The following MCTP2 variants were observed in gnomAD, a reference collection of about 807,000 sequenced individuals.
The protein encoded by MCTP2 is multiple C2 and transmembrane domain-containing protein 2.
In MCTP2, 132 loss-of-function variants were observed where a neutral mutation model predicts 111.6. That is an observed-to-expected ratio of 1.18 (90% confidence interval 1.03 to 1.37). The LOEUF (loss-of-function observed/expected upper bound fraction) is 1.37. Ranked by LOEUF, MCTP2 falls within the 40% of genes most tolerant of loss-of-function variation. The pLI, the probability that MCTP2 is intolerant of heterozygous loss-of-function variation, is 0.00. For synonymous variants in MCTP2, 395 were observed against 387.7 expected (o/e 1.02, Z -0.22); for missense variants, 1,183 against 1,067.9 (o/e 1.11, Z -1.50).
intron 14 of MCTP2, among the ~76,000 whole-genome samples, chr15:94,391,163 A>T (rs1242145385): frequency 1.3e-5 from 2 of 152,070 alleles, no homozygotes; most frequent in African/African-American, 4.8e-5. Flanking sequence ...GAATCCATGT[A>T]CACCCGATAG....
chr15:94,383,100 TTTTG>T (rs1396210834), intron 12 of MCTP2, among the ~76,000 whole-genome samples: 2 of 152,208 alleles, frequency 1.3e-5, no homozygotes, highest in Non-Finnish European at 2.9e-5. Context: ...GTTATACTTT[TTTTG>T]TTTGTTTTAT....
At chr15:94,410,773 G>A (rs1394640469) in intron 17 of MCTP2, among the ~76,000 whole-genome samples, 1 of 152,124 alleles carries the variant, frequency 6.6e-6, no homozygotes, top group African/African-American at 2.4e-5. Context: ...TTCTTGGAAG[G>A]GTGCTAGAAC....
chr15:94,308,361 C>T (rs2075978929), intron 2 of MCTP2, among the ~76,000 whole-genome samples: 1 of 152,310 alleles, frequency 6.6e-6, no homozygotes, highest in African/African-American at 2.4e-5. Flanking sequence ...TTTTGGGATT[C>T]TCCTGGCGCA....
chr15:94,325,142 G>C (rs1319596537), intron 4 of MCTP2, among the ~76,000 whole-genome samples: 3 of 152,132 alleles, frequency 2.0e-5, no homozygotes, highest in Non-Finnish European at 4.4e-5. Flanking sequence ...TGAGGGTTAT[G>C]CGTGGGCTTT....
In MCTP2 at chr15:94,384,348, C is replaced by A. The variant is rs957910883; in HGVS notation, c.1685+224C>A. Among the ~76,000 whole-genome samples the A allele has an allele frequency of 2.0e-5, 3 of 152,048 alleles. No individual in the cohort carries two copies. In the East Asian group the frequency reaches 5.8e-4, roughly 29 times the overall value. ...TATAGGAGGCATTTGTAAAGTAGAT[C>A]TTTTAGTGACTAAATTAATCTATGA... On this transcript the variant is annotated intron_variant, in intron 13 of 22. Transcript: ENST00000357742.
chr15:94,446,004 T>G (rs944372246), intron 19 of MCTP2, among the ~76,000 whole-genome samples: 2 of 152,222 alleles, frequency 1.3e-5, no homozygotes, highest in African/African-American at 4.8e-5. Context: ...CTGTCTCTGA[T>G]GCACAGACCA....
chr15:94,476,644 A>ATAGATAGG lies in MCTP2; in HGVS notation c.2471-45_2471-44insGTAGATAG. On this transcript the variant is annotated intron_variant, in intron 21 of 22. Coordinates refer to ENST00000357742, the MANE Select transcript of MCTP2 (RefSeq NM_001385001.1). ...GATAGATAGATAGATAGATAGATAG[A>ATAGATAGG]TAGATAGACAGACAGACAGATAAAG... The ATAGATAGG allele has an allele frequency of 6.6e-6, 6 of 909,992 alleles. 1 individual carries two copies. In the South Asian group the frequency reaches 8.4e-5, roughly 13 times the overall value. 56.4% of individuals were successfully genotyped at this position (909,992 alleles called of 1,614,324 possible).
At chr15:94,281,271 T>G (rs975700814) in intron 1 of MCTP2, among the ~76,000 whole-genome samples, 2 of 152,192 alleles carry the variant, frequency 1.3e-5, no homozygotes, top group African/African-American at 2.4e-5. Context: ...AAATTTAGGA[T>G]AGTTGATTCT....
At chr15:94,453,589 A>C (rs2084607426) in intron 19 of MCTP2, among the ~76,000 whole-genome samples, 1 of 152,246 alleles carries the variant, frequency 6.6e-6, no homozygotes, top group South Asian at 2.1e-4. Flanking sequence ...CAGAATAAAA[A>C]GTAGTCTGAA....
intron 8 of MCTP2, among the ~76,000 whole-genome samples, chr15:94,346,785 G>T (rs2078004050): frequency 6.6e-6 from 1 of 151,880 alleles, no homozygotes; most frequent in Admixed American, 6.6e-5. Context: ...GAATGATGGG[G>T]AGTAGAAAAA....
intron 1 of MCTP2, among the ~76,000 whole-genome samples, chr15:94,232,490 C>T (rs1340528233): frequency 2.0e-5 from 3 of 152,138 alleles, no homozygotes; most frequent in Non-Finnish European, 2.9e-5. Context: ...ATTCAGACAC[C>T]ACTTATTGAA....
intron 14 of MCTP2, among the ~76,000 whole-genome samples, chr15:94,390,749 G>GTTTTTA (rs2080916508): frequency 7.7e-6 from 1 of 129,566 alleles, no homozygotes; most frequent in Non-Finnish European, 1.6e-5. Context: ...TTTTTTTTTG[G>GTTTTTA]GATGGAGTCT....
chr15:94,255,337 T>C (rs540598878), intron 1 of MCTP2, among the ~76,000 whole-genome samples: 42 of 152,268 alleles, frequency 2.8e-4, no homozygotes, highest in African/African-American at 9.9e-4. Flanking sequence ...ATGGAAGATC[T>C]CTTTAGTTTT....
intron 1 of MCTP2, among the ~76,000 whole-genome samples, chr15:94,294,902 A>G (rs1340055494): frequency 1.4e-5 from 1 of 73,746 alleles, no homozygotes; most frequent in African/African-American, 5.0e-5. Context: ...ATATTTATTT[A>G]TTTTGAAACT....
chr15:94,470,618 A>G (rs1224988323), intron 21 of MCTP2, among the ~76,000 whole-genome samples, 176 bp downstream of exon 21: 1 of 152,234 alleles, frequency 6.6e-6, no homozygotes, highest in Non-Finnish European at 1.5e-5. Flanking sequence ...CAGTTGCATG[A>G]GTGATCAGCA....
At chr15:94,391,319 C>T (rs985670888) in intron 14 of MCTP2, among the ~76,000 whole-genome samples, 1 of 151,976 alleles carries the variant, frequency 6.6e-6, no homozygotes, top group Non-Finnish European at 1.5e-5. Context: ...TGGGTTTGTG[C>T]TTTGAAATGG....
intron 1 of MCTP2, among the ~76,000 whole-genome samples, chr15:94,260,242 A>G (rs1455757): frequency 0.43 from 66,050 of 151,962 alleles, 14,641 homozygotes; most frequent in East Asian, 0.64. Flanking sequence ...CTCAGGATCC[A>G]GTGGGCTTGC....
chr15:94,328,205 T>G (rs974958057), intron 4 of MCTP2, among the ~76,000 whole-genome samples: 1 of 151,024 alleles, frequency 6.6e-6, no homozygotes, highest in African/African-American at 2.4e-5. Context: ...CTCGGCTCAC[T>G]GCAGGCTCTG....
chr15:94,472,228 C>G (rs879914701), intron 21 of MCTP2, among the ~76,000 whole-genome samples: 4 of 152,112 alleles, frequency 2.6e-5, no homozygotes, highest in Non-Finnish European at 5.9e-5. Flanking sequence ...AAATACAAAA[C>G]TAAGCCAAGG....
Sources: allele counts gnomAD v4.1 joint callset (sites outside exome capture counted in the v4.1 genomes callset), GRCh38; gene constraint gnomAD v4.1.1; transcripts MANE v1.5; gene names NCBI Gene and HGNC (gene_info 2026-07-23, HGNC 2026-07-21).